KCTD20: variants seen among roughly 807,000 people sequenced by gnomAD.
KCTD20 encodes the protein potassium channel tetramerization domain containing 20, also known as BTB/POZ domain-containing protein KCTD20.
Under a neutral mutation model 39.6 loss-of-function variants are expected in KCTD20, and 30 were observed. The observed-to-expected ratio is 0.76, with a 90% confidence interval of 0.57 to 1.03. The LOEUF (loss-of-function observed/expected upper bound fraction) is 1.03, where lower values mean the gene tolerates loss of function less well. Ranked by LOEUF, KCTD20 falls within the 50% of genes least tolerant of loss-of-function variation. KCTD20 has a pLI of 0.00. For missense variants in KCTD20, 422 were observed against 522.0 expected, an observed-to-expected ratio of 0.81 and a Z score of 1.87; for synonymous variants, 162 against 180.6, an observed-to-expected ratio of 0.90 and a Z score of 0.83.
chr6:36,459,159 A>G (rs987570832), intron 1 of KCTD20, among the ~76,000 whole-genome samples: 2 of 152,108 alleles, frequency 1.3e-5, no homozygotes, highest in African/African-American at 4.8e-5. Context: ...TAAAAATACA[A>G]AAATTAGCCA....
chr6:36,456,007 T>A lies in KCTD20; in HGVS notation c.-47+12896T>A, dbSNP rs188038155. On this transcript the variant is annotated intron_variant, in intron 1 of 7. Coordinates refer to ENST00000373731, the MANE Select transcript of KCTD20 (RefSeq NM_173562.5). Reference sequence around the variant, plus strand: ...ACCATCACATCTTCTCTGTAGGAATTCACTTCTTGAGTCTTGGCCACTTCA... The same window carrying A: ...ACCATCACATCTTCTCTGTAGGAATACACTTCTTGAGTCTTGGCCACTTCA... Among the ~76,000 whole-genome samples, 479 of 152,322 alleles carry A rather than the reference T, an allele frequency of 3.1e-3. 2 individuals are homozygous for A. Among genetic ancestry groups the A allele is most frequent in the African/African-American group, 0.011 (437 of 41,576 alleles).
intron 6 of KCTD20, among the ~76,000 whole-genome samples, chr6:36,482,106 A>G (rs1582371100): frequency 6.6e-6 from 1 of 151,946 alleles, no homozygotes; most frequent in Admixed American, 6.6e-5. Flanking sequence ...TCTTATTCTC[A>G]CTCCTGCCCC....
intron 1 of KCTD20, among the ~76,000 whole-genome samples, chr6:36,464,547 C>T (rs1395499548): frequency 1.3e-5 from 2 of 152,152 alleles, no homozygotes; most frequent in East Asian, 3.9e-4. Flanking sequence ...ACTGTGAGTT[C>T]ATAATAGTCC....
At chr6:36,471,310 G>GT (rs1775904542) in intron 2 of KCTD20, among the ~76,000 whole-genome samples, 1 of 152,078 alleles carries the variant, frequency 6.6e-6, no homozygotes, top group African/African-American at 2.4e-5. Flanking sequence ...ACTGTACTAG[G>GT]AACTTTACAT....
chr6:36,466,629 G>C (rs2127441808), intron 1 of KCTD20, among the ~76,000 whole-genome samples: 1 of 151,994 alleles, frequency 6.6e-6, no homozygotes, highest in Middle Eastern at 3.4e-3. Flanking sequence ...AGATCCTCCT[G>C]CCTTGGCCTC....
intron 1 of KCTD20, among the ~76,000 whole-genome samples, chr6:36,460,682 G>T (rs1775576732): frequency 1.3e-5 from 2 of 152,110 alleles, no homozygotes; most frequent in Non-Finnish European, 2.9e-5. Flanking sequence ...AGGCTCTGTT[G>T]TAGCAATTAT....
At chr6:36,449,277 GTGCTGAT>G (rs1176504534) in intron 1 of KCTD20, among the ~76,000 whole-genome samples, 1 of 151,740 alleles carries the variant, frequency 6.6e-6, no homozygotes, top group Non-Finnish European at 1.5e-5. Flanking sequence ...TTTTTACGGA[GTGCTGAT>G]TGGTGCATTT....
intron 7 of KCTD20, among the ~76,000 whole-genome samples, chr6:36,486,445 CA>C (rs552683606): frequency 1.1e-3 from 172 of 152,288 alleles, no homozygotes; most frequent in South Asian, 0.011. Flanking sequence ...TTTTAGGCAG[CA>C]TCTCTGTTTT....
intron 7 of KCTD20, among the ~76,000 whole-genome samples, chr6:36,485,945 C>T (rs1776407767): frequency 6.6e-6 from 1 of 152,040 alleles, no homozygotes; most frequent in East Asian, 1.9e-4. Context: ...CACTCTTCTG[C>T]TTACACTGGA....
intron 1 of KCTD20, among the ~76,000 whole-genome samples, chr6:36,468,778 T>C (rs899145323): frequency 2.0e-5 from 3 of 152,266 alleles, no homozygotes; most frequent in African/African-American, 7.2e-5. Flanking sequence ...ACATTCACTT[T>C]ATTCCTTCAA....
intron 1 of KCTD20, among the ~76,000 whole-genome samples, chr6:36,466,167 A>G (rs145385137): frequency 0.027 from 4,094 of 151,416 alleles, 194 homozygotes; most frequent in African/African-American, 0.092. Context: ...GGTTCAAGCA[A>G]TTCTCCTGCC....
intron 6 of KCTD20, among the ~76,000 whole-genome samples, chr6:36,483,031 A>G (rs1180439509): frequency 6.6e-6 from 1 of 151,160 alleles, no homozygotes; most frequent in African/African-American, 2.4e-5. Context: ...AGGCAGGAGA[A>G]TCATTTGAAC....
chr6:36,449,531 CACAG>C (rs1208026189), intron 1 of KCTD20, among the ~76,000 whole-genome samples: 13 of 152,166 alleles, frequency 8.5e-5, no homozygotes, highest in African/African-American at 3.1e-4. Flanking sequence ...TTTAGCTAGA[CACAG>C]AGCACTGATT....
chr6:36,464,063 A>G (rs1775673986), intron 1 of KCTD20, among the ~76,000 whole-genome samples: 1 of 152,230 alleles, frequency 6.6e-6, no homozygotes, highest in East Asian at 1.9e-4. Context: ...CATATAGAGA[A>G]AAAATACACA....
intron 1 of KCTD20, among the ~76,000 whole-genome samples, chr6:36,444,218 A>G (rs546854356): frequency 6.6e-6 from 1 of 152,192 alleles, no homozygotes; most frequent in Non-Finnish European, 1.5e-5. Flanking sequence ...CTGATGATCC[A>G]GGGACCGACC....
At chr6:36,486,751 G>A (rs1776433724) in intron 7 of KCTD20, 132 bp from the exon 8 acceptor site, 4 of 739,982 alleles carry the variant, frequency 5.4e-6, no homozygotes, top group South Asian at 5.1e-5. Flanking sequence ...CATGGGACAG[G>A]GACTGGTCAC....
rs926274095 is a variant in KCTD20, at chr6:36,474,866, G to T, written c.238G>T (p.Gly80Cys). 25 of 1,614,098 alleles carry T rather than the reference G, an allele frequency of 1.5e-5. No homozygotes were observed. The highest frequency in any genetic ancestry group is 2.0e-5 in the Non-Finnish European group (24 of 1,180,010). The change falls in exon 3 of 8, where the codon GGT becomes TGT. Residue 80 changes from glycine (G) to cysteine (C), a missense_variant. By Grantham distance (159) the Gly-to-Cys change is radical (BLOSUM62 -3). Transcript: ENST00000373731. ...AATGCCCCTTGCTGAAGACATCAAA[G>T]GTTCTTGCTTCCAAAGTGGGAATAA... ...HIMPLAEDIK[G>C]SCFQSGNKRN...
rs528417185 is a variant in KCTD20, at chr6:36,479,473, A to G, written c.538-118A>G. The G allele has an allele frequency of 6.3e-6, 6 of 946,230 alleles. No individual in the cohort carries two copies. In the South Asian group the frequency reaches 6.5e-5, roughly 10 times the overall value. The allele number at this position is 946,230 out of a possible 1,614,324, so 58.6% of individuals were successfully genotyped here. Reference sequence around the variant, plus strand: ...TGTTTTGCCATCTAATGAATCATCCAATTTGGTGATAATTCCAGTAGCTCA... The same window carrying G: ...TGTTTTGCCATCTAATGAATCATCCGATTTGGTGATAATTCCAGTAGCTCA... On this transcript the variant is annotated intron_variant, in intron 4 of 7. Transcript: ENST00000373731.
intron 6 of KCTD20, among the ~76,000 whole-genome samples, chr6:36,484,188 G>A (rs777006040): frequency 8.6e-5 from 13 of 152,018 alleles, no homozygotes; most frequent in Admixed American, 7.2e-4. Context: ...TGCCTGCCTC[G>A]GCCTCCCAAA....
Sources: allele counts gnomAD v4.1 joint callset (sites outside exome capture counted in the v4.1 genomes callset), GRCh38; gene constraint gnomAD v4.1.1; transcripts MANE v1.5; gene names NCBI Gene and HGNC (gene_info 2026-07-23, HGNC 2026-07-21).